The following ADCY3 variants were observed in gnomAD, a reference collection of about 807,000 sequenced individuals.
ADCY3 encodes the protein adenylate cyclase 3.
ADCY3 carries 70 observed loss-of-function variants against 119.4 expected under a neutral mutation model. The ratio of observed to expected loss-of-function variants is 0.59; its 90% CI spans 0.48 to 0.72. ADCY3 has a LOEUF of 0.72. Ranked by LOEUF, ADCY3 falls within the 30% of genes least tolerant of loss-of-function variation. The pLI, the probability that ADCY3 is intolerant of heterozygous loss-of-function variation, is 0.00. For missense variants in ADCY3, 1,238 were observed against 1,541.6 expected (o/e 0.80, Z 3.30); for synonymous variants, 672 against 621.4 (o/e 1.08, Z -1.21).
chr2:24,891,568 C>A (rs1677659185), intron 2 of ADCY3, among the ~76,000 whole-genome samples: 1 of 152,178 alleles, frequency 6.6e-6, no homozygotes, highest in Non-Finnish European at 1.5e-5. Flanking sequence ...AAAGCGTTTC[C>A]TTTAAGTGAA....
chr2:24,822,174 G>C (rs992821754), intron 19 of ADCY3: 5 of 217,992 alleles, frequency 2.3e-5, no homozygotes, highest in Non-Finnish European at 4.6e-5. Flanking sequence ...ACAGGCTGCC[G>C]TCAGCCAGAG....
Position 24,819,841 on chromosome 2 carries a change from G to GT in ADCY3, c.*90dup. 7.4e-7 allele frequency: 1 copy of GT among 1,358,520 alleles called. No homozygotes were observed. Among genetic ancestry groups the GT allele is most frequent in the Non-Finnish European group, 1.0e-6 (1 of 986,398 alleles). 84.2% of individuals were successfully genotyped at this position (1,358,520 alleles called of 1,614,324 possible). On this transcript the variant is annotated 3_prime_UTR_variant, in exon 22 of 22. Coordinates refer to ENST00000679454, the MANE Select transcript of ADCY3 (RefSeq NM_004036.5). Reference sequence around the variant, plus strand: ...GTTTCTAAACCTAAAGTCCATGAGTGTGCACTTCAATCCAGGAAGGTCGGG... The same window carrying GT: ...GTTTCTAAACCTAAAGTCCATGAGTGTTGCACTTCAATCCAGGAAGGTCGGG...
At chr2:24,838,751 G>A in intron 7 of ADCY3, 129 bp from the exon 8 acceptor site, 2 of 1,586,568 alleles carry the variant, frequency 1.3e-6, no homozygotes, top group Non-Finnish European at 1.7e-6. Context: ...GTGGGGCAGA[G>A]GCCAAGTGGA....
chr2:24,864,369 T>G (rs1674040128), intron 3 of ADCY3, among the ~76,000 whole-genome samples: 3 of 152,174 alleles, frequency 2.0e-5, no homozygotes, highest in Admixed American at 2.0e-4. Context: ...GACCTGGCAA[T>G]TCCACTTTTG....
intron 3 of ADCY3, among the ~76,000 whole-genome samples, chr2:24,858,041 C>T (rs867984408): frequency 1.4e-5 from 2 of 144,682 alleles, no homozygotes; most frequent in African/African-American, 5.5e-5. Context: ...CGCTGTCTCC[C>T]AGGCTGGAGT....
At chr2:24,831,535 C>A in intron 12 of ADCY3, 127 bp downstream of exon 12, 3 of 757,092 alleles carry the variant, frequency 4.0e-6, no homozygotes, top group Non-Finnish European at 4.6e-6. Flanking sequence ...AGTGCCTGGA[C>A]CGTCCTAACA....
chr2:24,835,333 G>A lies in ADCY3; in HGVS notation c.1663-397C>T, dbSNP rs13423543. Among the ~76,000 whole-genome samples, 787 of 152,300 alleles carry A rather than the reference G, an allele frequency of 5.2e-3. 12 individuals are homozygous for A. Among genetic ancestry groups the A allele is most frequent in the African/African-American group, 0.018 (732 of 41,558 alleles). ...ATATACATTGGCAGCCTGGGGACATGAATGGCTCCCAACTCTAGGGCTTCA... is the reference window on the plus strand; with the variant it reads ...ATATACATTGGCAGCCTGGGGACATAAATGGCTCCCAACTCTAGGGCTTCA... On this transcript the variant is annotated intron_variant, in intron 9 of 21. Transcript: ENST00000679454.
rs763022859 is a variant in ADCY3, at chr2:24,820,018, AG to A, written c.3348del (p.Phe1117SerfsTer3). On this transcript the variant is annotated frameshift_variant, in exon 22 of 22. Transcript: ENST00000679454. LOFTEE classifies it high-confidence loss of function. ...AGCTTATCCCGCCCCTTCAAGAAGA[AG>A]GTCAGCAGCTCCCCCTTCCCCTTCA... ...IFVKGKGELLTFFLKGRDKLA... is the reference protein window; with the variant it reads ...IFVKGKGELLXFFLKGRDKLA... The A allele has an allele frequency of 1.2e-6, 2 of 1,612,214 alleles. No homozygotes were observed. Among genetic ancestry groups the A allele is most frequent in the Non-Finnish European group, 8.5e-7 (1 of 1,179,202 alleles).
intron 2 of ADCY3, among the ~76,000 whole-genome samples, chr2:24,903,246 G>A (rs1679122642): frequency 6.6e-6 from 1 of 151,654 alleles, no homozygotes; most frequent in Non-Finnish European, 1.5e-5. Flanking sequence ...GTATGCTGAA[G>A]CCATCTTTTG....
At chr2:24,862,399 T>A (rs2384055) in intron 3 of ADCY3, among the ~76,000 whole-genome samples, 76,444 of 151,780 alleles carry the variant, frequency 0.5, 21,250 homozygotes, top group African/African-American at 0.75. Context: ...ACAAAATATT[T>A]GCCGGGCATG....
At chr2:24,900,363 T>TA (rs1440838256) in intron 2 of ADCY3, among the ~76,000 whole-genome samples, 2 of 147,048 alleles carry the variant, frequency 1.4e-5, no homozygotes, top group Admixed American at 6.8e-5. Flanking sequence ...AAAAAATAAA[T>TA]AAAAAATTTT....
intron 3 of ADCY3, among the ~76,000 whole-genome samples, chr2:24,869,146 G>A (rs1674665998): frequency 6.6e-6 from 1 of 151,780 alleles, no homozygotes; most frequent in Non-Finnish European, 1.5e-5. Context: ...ATTTTAAAAA[G>A]GCACAAATTA....
intron 8 of ADCY3, 55 bp downstream of exon 8, chr2:24,838,390 C>T (rs1262788115): frequency 2.7e-6 from 4 of 1,484,602 alleles, no homozygotes; most frequent in Non-Finnish European, 3.6e-6. Context: ...CCTTTCCAAC[C>T]CCCTAATCCA....
chr2:24,912,719 G>A (rs1373447752), intron 2 of ADCY3, among the ~76,000 whole-genome samples: 2 of 152,104 alleles, frequency 1.3e-5, no homozygotes, highest in Admixed American at 6.6e-5. Context: ...ACTATAAAGC[G>A]CTGATTTAAA....
chr2:24,821,899 T>A, intron 19 of ADCY3: 1 of 428,430 alleles, frequency 2.3e-6, no homozygotes, highest in Non-Finnish European at 4.2e-6. Context: ...GGCGGACCCC[T>A]TCACCTTGGC....
At chr2:24,865,577 T>C (rs184000105) in intron 3 of ADCY3, among the ~76,000 whole-genome samples, 127 of 148,832 alleles carry the variant, frequency 8.5e-4, no homozygotes, top group African/African-American at 2.9e-3. Context: ...AAAAAGATAA[T>C]AGTGACTGGT....
At chr2:24,871,091 T>C (rs889270515) in intron 3 of ADCY3, among the ~76,000 whole-genome samples, 1 of 150,596 alleles carries the variant, frequency 6.6e-6, no homozygotes, top group African/African-American at 2.4e-5. Flanking sequence ...TGCGCAAATG[T>C]TATATAAAAA....
At chr2:24,914,880 T>C (rs1273513077) in intron 2 of ADCY3, among the ~76,000 whole-genome samples, 1 of 152,008 alleles carries the variant, frequency 6.6e-6, no homozygotes, top group African/African-American at 2.4e-5. Context: ...TATTCACTCA[T>C]TAACTCATTG....
intron 9 of ADCY3, among the ~76,000 whole-genome samples, chr2:24,835,739 C>T (rs1330096571): frequency 6.6e-6 from 1 of 152,056 alleles, no homozygotes; most frequent in Non-Finnish European, 1.5e-5. Context: ...AGTTTGAGAC[C>T]AGACTGGCCA....
Sources: gnomAD v4.1 joint callset for allele counts (sites outside exome capture counted in the v4.1 genomes callset) on GRCh38, gnomAD v4.1.1 for gene constraint, MANE v1.5 for transcripts, NCBI Gene and HGNC (gene_info 2026-07-23, HGNC 2026-07-21) for gene names.